Variants in ATAD2 observed in about 807,000 individuals in gnomAD.
ATAD2 encodes the protein ATPase family AAA domain-containing protein 2.
A neutral mutation model predicts 168.9 loss-of-function variants in ATAD2; 62 were observed. That is an observed-to-expected ratio of 0.37 (90% CI 0.30 to 0.45). The LOEUF is 0.45. Ranked by LOEUF, ATAD2 falls within the 20% of genes least tolerant of loss-of-function variation. The pLI is 1.00. For missense variants in ATAD2, 1,419 were observed against 1,667.8 expected, an observed-to-expected ratio of 0.85 and a Z score of 2.60; for synonymous variants, 613 against 571.6, an observed-to-expected ratio of 1.07 and a Z score of -1.03.
chr8:123,330,226 G>A (rs1189304187), intron 24 of ATAD2, among the ~76,000 whole-genome samples: 3 of 152,024 alleles, frequency 2.0e-5, no homozygotes, highest in Non-Finnish European at 2.9e-5. Flanking sequence ...CTGGCCTCAA[G>A]CAATCCTACC....
chr8:123,341,899 C>T (rs1828073116), intron 19 of ATAD2, among the ~76,000 whole-genome samples: 1 of 152,116 alleles, frequency 6.6e-6, no homozygotes, highest in Admixed American at 6.6e-5. Flanking sequence ...CCAGCCTGGC[C>T]AACATGGTGA....
chr8:123,401,645 G>T, intron 1 of ATAD2: 1 of 869,180 alleles, frequency 1.2e-6, no homozygotes, highest in Non-Finnish European at 2.0e-6. Flanking sequence ...GCACTTTGGT[G>T]TGCCCATCAT....
chr8:123,372,942 G>C (rs1829192248), intron 2 of ATAD2, among the ~76,000 whole-genome samples: 1 of 150,826 alleles, frequency 6.6e-6, no homozygotes, highest in South Asian at 2.1e-4. Context: ...GCCCAGGCTG[G>C]AGTGCAGTGG....
intron 1 of ATAD2, among the ~76,000 whole-genome samples, chr8:123,393,045 G>A (rs748762912): frequency 4.6e-5 from 7 of 152,024 alleles, no homozygotes; most frequent in Admixed American, 6.6e-5. Context: ...TTAGCCAGGC[G>A]TGTTGGCGGG....
chr8:123,343,060 C>G (rs1263251933), intron 19 of ATAD2, among the ~76,000 whole-genome samples: 1 of 151,548 alleles, frequency 6.6e-6, no homozygotes, highest in Admixed American at 6.6e-5. Flanking sequence ...TCTTGGCTCA[C>G]TACAAACCCC....
intron 1 of ATAD2, among the ~76,000 whole-genome samples, chr8:123,403,343 G>C (rs1282373236): frequency 1.2e-4 from 18 of 151,764 alleles, no homozygotes; most frequent in Admixed American, 1.2e-3. Flanking sequence ...CAGGTGATCT[G>C]CCCACTTAGG....
upstream of ATAD2, chr8:123,400,818 G>A (rs1812986139): frequency 1.7e-5 from 19 of 1,120,928 alleles, no homozygotes; most frequent in South Asian, 2.1e-4. This position sits in a 1 kb window ranked among gnomAD's most constrained non-coding sequence, Gnocchi z 4.5. Flanking sequence ...TGGCCATCAC[G>A]ATGGCTCTGG....
intron 1 of ATAD2, among the ~76,000 whole-genome samples, chr8:123,382,673 G>C (rs531252372): frequency 1.3e-5 from 2 of 152,290 alleles, no homozygotes; most frequent in African/African-American, 4.8e-5. Context: ...AGTTAGAATG[G>C]TGATCATTAA....
chr8:123,398,021 C>A (rs1053334845), upstream of ATAD2, among the ~76,000 whole-genome samples: 1 of 151,960 alleles, frequency 6.6e-6, no homozygotes, highest in Non-Finnish European at 1.5e-5. Context: ...TTTATTATAG[C>A]CCCCAAATTC....
intron 1 of ATAD2, among the ~76,000 whole-genome samples, chr8:123,386,389 T>C (rs753248536): frequency 2.6e-5 from 4 of 152,192 alleles, no homozygotes; most frequent in African/African-American, 7.2e-5. Flanking sequence ...ACTCTGAAGA[T>C]ATGCTAAGTG....
intron 25 of ATAD2, among the ~76,000 whole-genome samples, chr8:123,327,756 A>G (rs1586854703): frequency 6.6e-6 from 1 of 152,230 alleles, no homozygotes. Context: ...AAGGGATAGA[A>G]AAATGATCGG....
rs1391880750 is a variant in ATAD2, at chr8:123,319,962, G to A, written c.*1172C>T. 1 of 152,014 alleles carries A rather than the reference G, an allele frequency of 6.6e-6. No individual in the cohort carries two copies. The highest frequency in any genetic ancestry group is 1.5e-5 in the Non-Finnish European group (1 of 67,994). The allele number at this position is 152,014 out of a possible 1,614,324, so 9.4% of individuals were successfully genotyped here. The stretch of plus-strand genomic sequence containing the variant: ...TAATTTATAATAAACCAACAAAAAT[G>A]AGAATGTGTATCTCCAGGAATATAA... On this transcript the variant is annotated 3_prime_UTR_variant, in exon 28 of 28. Transcript: ENST00000287394.
At chr8:123,378,701 C>CAAAAAAAAAAAAAAAAAAAAAAAAA (rs71808201) in intron 2 of ATAD2, among the ~76,000 whole-genome samples, 5 of 73,044 alleles carry the variant, frequency 6.8e-5, no homozygotes, top group African/African-American at 2.9e-4. Context: ...GACTGTGTCT[C>CAAAAAAAAAAAAAAAAAAAAAAAAA]AAAAAAAAAA....
chr8:123,400,597 C>G, upstream of ATAD2: 1 of 570,876 alleles, frequency 1.8e-6, no homozygotes, highest in Non-Finnish European at 3.3e-6. This position sits in a 1 kb window ranked among gnomAD's most constrained non-coding sequence, Gnocchi z 4.5. Context: ...CCTGATGAGC[C>G]AGGGCACCGG....
intron 2 of ATAD2, among the ~76,000 whole-genome samples, chr8:123,373,737 C>G (rs1343611437): frequency 6.7e-6 from 1 of 149,036 alleles, no homozygotes; most frequent in African/African-American, 2.5e-5. Flanking sequence ...TGCAGTGAGC[C>G]GAGATCCCGC....
At chr8:123,408,057 T>G (rs898439839) in intron 1 of ATAD2, among the ~76,000 whole-genome samples, 1 of 152,206 alleles carries the variant, frequency 6.6e-6, no homozygotes, top group Non-Finnish European at 1.5e-5. Flanking sequence ...TAATTTGGAC[T>G]GGGATTTCTT....
intron 8 of ATAD2, 80 bp downstream of exon 8, chr8:123,368,978 C>T (rs1829057871): frequency 2.7e-6 from 2 of 730,304 alleles, no homozygotes; most frequent in Non-Finnish European, 4.1e-6. Context: ...CTAATACACC[C>T]AATCCTGAAA....
intron 26 of ATAD2, among the ~76,000 whole-genome samples, chr8:123,325,546 A>G (rs1296840832): frequency 6.6e-6 from 1 of 152,032 alleles, no homozygotes; most frequent in Non-Finnish European, 1.5e-5. Flanking sequence ...TCAGCCTCCC[A>G]AAGTGCTAGG....
At chr8:123,359,506 C>A in intron 10 of ATAD2, 71 bp downstream of exon 10, 1 of 1,425,858 alleles carries the variant, frequency 7.0e-7, no homozygotes, top group Non-Finnish European at 9.7e-7. Flanking sequence ...TCATTGGTTC[C>A]TTTTTTTAAC....
Sources: allele counts gnomAD v4.1 joint callset (sites outside exome capture counted in the v4.1 genomes callset), GRCh38; gene constraint gnomAD v4.1.1; non-coding constraint Gnocchi (gnomAD v3.1); transcripts MANE v1.5; gene names NCBI Gene and HGNC (gene_info 2026-07-23, HGNC 2026-07-21).